The following FSTL5 variants were observed in gnomAD, a reference collection of about 807,000 sequenced individuals.
FSTL5 encodes follistatin-related protein 5.
A neutral mutation model predicts 89.1 loss-of-function variants in FSTL5; 62 were observed. That is an observed-to-expected ratio of 0.70 (90% CI 0.57 to 0.86). FSTL5 has a LOEUF of 0.86. FSTL5 is among the 40% of genes least tolerant of loss of function. The probability of loss-of-function intolerance (pLI) is 0.00; values close to 1 mark genes in which losing one functional copy is unlikely to be tolerated. For missense variants in FSTL5, 1,057 were observed against 1,001.6 expected (o/e 1.06, Z -0.75); for synonymous variants, 383 against 346.2 (o/e 1.11, Z -1.18).
chr4:161,847,825 T>C (rs1161194361), intron 4 of FSTL5, among the ~76,000 whole-genome samples: 1 of 151,568 alleles, frequency 6.6e-6, no homozygotes, highest in Non-Finnish European at 1.5e-5. Context: ...TCACCTGAGG[T>C]CAGGAGTTTG....
intron 4 of FSTL5, among the ~76,000 whole-genome samples, chr4:161,825,316 C>A (rs1338962432): frequency 6.8e-6 from 1 of 148,100 alleles, no homozygotes; most frequent in Non-Finnish European, 1.5e-5. Flanking sequence ...AGGATTTTTG[C>A]ATCTATATTC....
In FSTL5 at chr4:161,407,163, G is replaced by A. The variant is rs78315927; in HGVS notation, c.1842-20714C>T. Reference sequence around the variant, plus strand: ...AATACTGTGAATGTATTATTGTCACGAATTGTACACTTTAAAATTTTTGAT... The same window carrying A: ...AATACTGTGAATGTATTATTGTCACAAATTGTACACTTTAAAATTTTTGAT... On this transcript the variant is annotated intron_variant, in intron 15 of 15. Transcript: ENST00000306100. 9.3e-3 allele frequency among the ~76,000 whole-genome samples: 1,416 copies of A among 152,180 alleles called. 13 individuals are homozygous for A. Among genetic ancestry groups the A allele is most frequent in the Middle Eastern group, 0.034 (10 of 294 alleles).
intron 15 of FSTL5, among the ~76,000 whole-genome samples, chr4:161,454,132 T>A (rs902392060): frequency 7.9e-5 from 12 of 152,190 alleles, no homozygotes; most frequent in African/African-American, 2.9e-4. Context: ...TTAGATGATA[T>A]AATTTTTAAT....
At chr4:161,675,507 T>C (rs1288921580) in intron 6 of FSTL5, among the ~76,000 whole-genome samples, 3 of 151,194 alleles carry the variant, frequency 2.0e-5, no homozygotes, top group African/African-American at 7.2e-5. Flanking sequence ...AGAGAAATTA[T>C]CTTTATATAA....
intron 6 of FSTL5, among the ~76,000 whole-genome samples, chr4:161,692,894 T>C (rs1316817905): frequency 6.6e-6 from 1 of 152,028 alleles, no homozygotes; most frequent in Non-Finnish European, 1.5e-5. Flanking sequence ...TGGCTAATTT[T>C]TGTATTTTTA....
At chr4:161,922,972 C>T (rs570142802) in intron 3 of FSTL5, among the ~76,000 whole-genome samples, 51 of 151,940 alleles carry the variant, frequency 3.4e-4, no homozygotes, top group African/African-American at 1.2e-3. Context: ...AAGTGAGAAA[C>T]TGTACCCTAA....
rs1464106155 is a variant in FSTL5, at chr4:161,846,184, G to A, written c.410-70110C>T. Reference sequence around the variant, plus strand: ...GGTTTATAATGTTATTATTGTTTGGGTAAACTTTAAATTATTTGCTATAAT... The same window carrying A: ...GGTTTATAATGTTATTATTGTTTGGATAAACTTTAAATTATTTGCTATAAT... On this transcript the variant is annotated intron_variant, in intron 4 of 15. Transcript: ENST00000306100. 2.6e-5 allele frequency among the ~76,000 whole-genome samples: 4 copies of A among 151,990 alleles called. No individual in the cohort carries two copies. In the East Asian group the frequency reaches 7.7e-4, roughly 29 times the overall value.
chr4:161,602,003 C>T (rs10014606), intron 7 of FSTL5, among the ~76,000 whole-genome samples: 3,838 of 151,734 alleles, frequency 0.025, 153 homozygotes, highest in African/African-American at 0.087. Context: ...AAATACAGTC[C>T]TATTATTGAA....
In FSTL5 at chr4:161,560,015, A is replaced by T. The variant is rs560311361; in HGVS notation, c.1016-17322T>A. ...CAATGCAGCCCAACACAAATTTGTA[A>T]ACTTTCTTAAAACATTATGAGTTTT... is the stretch of plus-strand genomic sequence containing the variant. On this transcript the variant is annotated intron_variant, in intron 8 of 15. Coordinates refer to ENST00000306100, the MANE Select transcript of FSTL5 (RefSeq NM_020116.5). Among the ~76,000 whole-genome samples, 186 of 151,044 alleles carry T rather than the reference A, an allele frequency of 1.2e-3. 1 individual carries two copies. The highest frequency in any genetic ancestry group is 2.3e-3 in the Non-Finnish European group (159 of 67,724).
At chr4:161,741,241 C>T (rs764630806) in intron 6 of FSTL5, among the ~76,000 whole-genome samples, 1 of 152,128 alleles carries the variant, frequency 6.6e-6, no homozygotes, top group Non-Finnish European at 1.5e-5. Flanking sequence ...AGAATTAAGA[C>T]AGCTAATTAA....
chr4:161,992,037 G>A (rs1736126500), intron 3 of FSTL5, among the ~76,000 whole-genome samples: 2 of 152,230 alleles, frequency 1.3e-5, no homozygotes. Flanking sequence ...GCATCAAGGA[G>A]GCGGTGTGGC....
chr4:162,060,173 C>T lies in FSTL5; in HGVS notation c.127-26515G>A, dbSNP rs1738676195. The stretch of plus-strand genomic sequence containing the variant: ...TTCCCTATTTTCAGTTCTGCCATTT[C>T]TCTTATGTCTATACTTCTATCTTCC... On this transcript the variant is annotated intron_variant, in intron 2 of 15. Coordinates refer to ENST00000306100, the MANE Select transcript of FSTL5 (RefSeq NM_020116.5). 2.0e-5 allele frequency among the ~76,000 whole-genome samples: 3 copies of T among 152,064 alleles called. No homozygotes were observed. The South Asian group carries it at 6.2e-4, about 31-fold the overall frequency.
chr4:161,736,081 G>A (rs1739804658), intron 6 of FSTL5, among the ~76,000 whole-genome samples: 1 of 152,068 alleles, frequency 6.6e-6, no homozygotes, highest in African/African-American at 2.4e-5. Flanking sequence ...CTCTCAGTAA[G>A]CTCATTAGAT....
chr4:161,562,630 G>A (rs1732646483), intron 8 of FSTL5, among the ~76,000 whole-genome samples: 1 of 148,694 alleles, frequency 6.7e-6, no homozygotes. Flanking sequence ...TTGTTTTTTT[G>A]ATTGGTCATT....
chr4:161,746,192 A>T (rs1740197976), intron 6 of FSTL5, among the ~76,000 whole-genome samples: 1 of 151,990 alleles, frequency 6.6e-6, no homozygotes, highest in African/African-American at 2.4e-5. Context: ...ATTTAGGTGC[A>T]CCCTCAAAAG....
chr4:161,493,706 G>T (rs1489121737), intron 12 of FSTL5, among the ~76,000 whole-genome samples: 1 of 151,834 alleles, frequency 6.6e-6, no homozygotes, highest in African/African-American at 2.4e-5. Context: ...CCTTAAACAC[G>T]TTTATTTGTA....
At chr4:161,459,574 A>G (rs1733489248) in intron 13 of FSTL5, among the ~76,000 whole-genome samples, 1 of 152,050 alleles carries the variant, frequency 6.6e-6, no homozygotes, top group Admixed American at 6.6e-5. Flanking sequence ...ATACATGATA[A>G]ATATTTTGTT....
At chr4:161,967,625 T>C (rs906365406) in intron 3 of FSTL5, among the ~76,000 whole-genome samples, 5 of 151,958 alleles carry the variant, frequency 3.3e-5, no homozygotes, top group African/African-American at 9.7e-5. Context: ...TTTTGTTATA[T>C]TGAAAGTATT....
chr4:161,983,862 T>C (rs1735892895), intron 3 of FSTL5, among the ~76,000 whole-genome samples: 1 of 152,124 alleles, frequency 6.6e-6, no homozygotes, highest in African/African-American at 2.4e-5. Context: ...ATTATACTTC[T>C]TGGTTTCCAA....
Sources: allele counts gnomAD v4.1 joint callset (sites outside exome capture counted in the v4.1 genomes callset), GRCh38; gene constraint gnomAD v4.1.1; transcripts MANE v1.5; gene names NCBI Gene and HGNC (gene_info 2026-07-23, HGNC 2026-07-21).